CCDC9: variants seen among roughly 807,000 people sequenced by gnomAD.
CCDC9 encodes coiled-coil domain containing 9, also known as coiled-coil domain-containing protein 9.
Under a neutral mutation model 65.6 loss-of-function variants are expected in CCDC9, and 52 were observed. The ratio of observed to expected loss-of-function variants is 0.79; its 90% CI spans 0.63 to 1.00. The LOEUF is 1.00. CCDC9 is among the 50% of genes least tolerant of loss of function. CCDC9 has a pLI of 0.00. For synonymous variants in CCDC9, 332 were observed against 280.3 expected (o/e 1.18, Z -1.84); for missense variants, 834 against 757.2 (o/e 1.10, Z -1.19).
chr19:47,257,459 C>T (rs867397395), intron 1 of CCDC9: 1 of 150,238 alleles, frequency 6.7e-6, no homozygotes, highest in Non-Finnish European at 1.5e-5. Flanking sequence ...AAGGCGGGGC[C>T]AGAAAGTTTT....
chr19:47,273,556 G>A (rs531087084), downstream of CCDC9: 18 of 446,742 alleles, frequency 4.0e-5, no homozygotes, highest in African/African-American at 2.8e-4. Context: ...GCCAGGAGAG[G>A]GTTAAATCTA....
At chr19:47,258,426 C>T (rs1032005161) in intron 2 of CCDC9, 23 bp downstream of exon 2, 30 of 1,613,818 alleles carry the variant, frequency 1.9e-5, no homozygotes, top group Non-Finnish European at 2.5e-5. Context: ...AATGGGGTCT[C>T]TAGAATCTGA....
At position 47,270,658 on chromosome 19, in the gene CCDC9, C is replaced by T; in HGVS notation, c.1055C>T (p.Pro352Leu). The change falls in exon 10 of 12, where the codon CCC becomes CTC. Residue 352 changes from proline (P) to leucine (L), a missense_variant. Pro to Leu is a moderately conservative substitution (Grantham distance 98, BLOSUM62 -3). Coordinates refer to ENST00000221922, the MANE Select transcript of CCDC9 (RefSeq NM_015603.3). ...SSRRRRKSSR[P>L]QAKAAPRAYS... ...CGCAGAAGGAGAAAGAGCAGTCGGCCCCAGGCCAAGGCAGCGCCCAGGGCC... is the reference window on the plus strand; with the variant it reads ...CGCAGAAGGAGAAAGAGCAGTCGGCTCCAGGCCAAGGCAGCGCCCAGGGCC... 6.2e-7 allele frequency: 1 copy of T among 1,612,212 alleles called. No homozygotes were observed. The highest frequency in any genetic ancestry group is 8.5e-7 in the Non-Finnish European group (1 of 1,179,952).
downstream of CCDC9, among the ~76,000 whole-genome samples, chr19:47,272,653 C>T (rs928874158): frequency 6.6e-6 from 1 of 152,130 alleles, no homozygotes; most frequent in Admixed American, 6.6e-5. Context: ...TGTACTAGGG[C>T]AGGAGCTATA....
downstream of CCDC9, chr19:47,273,950 C>T (rs1258781886): frequency 1.0e-5 from 10 of 983,082 alleles, no homozygotes; most frequent in Admixed American, 4.3e-4. Context: ...TCCGTCTTCC[C>T]TCCCCCCTCC....
chr19:47,272,510 C>G (rs1357454666), downstream of CCDC9, among the ~76,000 whole-genome samples: 2 of 151,144 alleles, frequency 1.3e-5, no homozygotes, highest in African/African-American at 4.9e-5. Context: ...TGCCTGTAAT[C>G]CCAGCTAATT....
chr19:47,268,977 T>G (rs1568640558), intron 8 of CCDC9, among the ~76,000 whole-genome samples: 2 of 151,820 alleles, frequency 1.3e-5, no homozygotes, highest in Non-Finnish European at 2.9e-5. Context: ...TGGCTCATGC[T>G]TGTAATCCCC....
chr19:47,256,853 T>C (rs2059013029), intron 1 of CCDC9, among the ~76,000 whole-genome samples: 1 of 150,946 alleles, frequency 6.6e-6, no homozygotes, highest in African/African-American at 2.4e-5. Context: ...AAGTTGTGGC[T>C]GGACTGTGGG....
downstream of CCDC9, chr19:47,275,317 C>T: frequency 6.5e-7 from 1 of 1,546,296 alleles, no homozygotes; most frequent in Non-Finnish European, 8.7e-7. Context: ...AGAGAGACGC[C>T]AGAGGCCGCG....
At chr19:47,263,848 G>A (rs1192867930) in intron 5 of CCDC9, among the ~76,000 whole-genome samples, 1 of 151,648 alleles carries the variant, frequency 6.6e-6, no homozygotes, top group Non-Finnish European at 1.5e-5. Flanking sequence ...ACAGGCGTGA[G>A]CCACTGTGCC....
downstream of CCDC9, chr19:47,273,695 C>T (rs985766245): frequency 2.6e-6 from 1 of 381,952 alleles, no homozygotes; most frequent in Non-Finnish European, 4.6e-6. Context: ...CCATGGAGGC[C>T]CTGGGCGGCT....
At position 47,271,510 on chromosome 19, in the gene CCDC9, C is replaced by T. The variant is rs1267248648; in HGVS notation, c.1428C>T (p.Pro476=). 1 of 1,613,014 alleles carries T rather than the reference C, an allele frequency of 6.2e-7. No individual in the cohort carries two copies. The highest frequency in any genetic ancestry group is 1.3e-5 in the African/African-American group (1 of 74,978). ...GAGTCCCCTTCAGTCCGGAGGAGCC[C>T]CTGCTGGAGCCCCAGGCCCCTGGCA... ...AHGVPFSPEE[P]LLEPQAPGTP... Residue 476 remains proline (P), a synonymous_variant, in exon 12 of 12, where the codon CCC becomes CCT. Coordinates refer to ENST00000221922, the MANE Select transcript of CCDC9 (RefSeq NM_015603.3).
At chr19:47,258,142 G>T in intron 1 of CCDC9, 188 bp from the exon 2 acceptor site, 1 of 571,738 alleles carries the variant, frequency 1.7e-6, no homozygotes, top group Non-Finnish European at 3.1e-6. Context: ...CAAAGATCAT[G>T]AAAGGGCTGA....
Position 47,260,350 on chromosome 19 carries a change from A to G in CCDC9, c.138A>G (p.Glu46=). The G allele has an allele frequency of 6.3e-7, 1 of 1,599,670 alleles. No homozygotes were observed. Among genetic ancestry groups the G allele is most frequent in the South Asian group, 1.1e-5 (1 of 88,868 alleles). The change falls in exon 4 of 12, where the codon GAA becomes GAG. Residue 46 remains glutamate, a synonymous_variant. Coordinates refer to ENST00000221922, the MANE Select transcript of CCDC9 (RefSeq NM_015603.3). The stretch of plus-strand genomic sequence containing the variant: ...TTGAGGAAGACCGTAAGAAAGCTGA[A>G]CTTGAGGGAGTCGCAGTCACAGCTC... The part of the protein sequence containing the change: ...QEIEEDRKKA[E]LEGVAVTAPR...
At chr19:47,260,523 C>T in intron 4 of CCDC9, 65 bp from the exon 5 acceptor site, 1 of 1,581,548 alleles carries the variant, frequency 6.3e-7, no homozygotes, top group Non-Finnish European at 8.6e-7. Flanking sequence ...CAGTGGGTGG[C>T]CTCCATCCTG....
rs1484220408 is a variant in CCDC9, at chr19:47,264,699, G to A, written c.546+13G>A. 2 of 1,603,132 alleles carry A rather than the reference G, an allele frequency of 1.2e-6. No homozygotes were observed. The highest frequency in any genetic ancestry group is 1.7e-5 in the Admixed American group (1 of 58,166). Reference sequence around the variant, plus strand: ...GCGCAACCAGCGGGTCAGTGGTGCGGGTGTCCCCGAGGCAGGGCCGAGCTG... The same window carrying A: ...GCGCAACCAGCGGGTCAGTGGTGCGAGTGTCCCCGAGGCAGGGCCGAGCTG... On this transcript the variant is annotated intron_variant, in intron 6 of 11. Coordinates refer to ENST00000221922, the MANE Select transcript of CCDC9 (RefSeq NM_015603.3).
Position 47,261,095 on chromosome 19 carries a change from C to T in CCDC9, c.462+256C>T, listed in dbSNP as rs191719657. On this transcript the variant is annotated intron_variant, in intron 5 of 11. Transcript: ENST00000221922. ...TTCCTTGTCTCTTTCTCTCCTACTC[C>T]TGCTCCCCGTCTTCTTGTTCCTCCT... Among the ~76,000 whole-genome samples, 9 of 152,150 alleles carry T rather than the reference C, an allele frequency of 5.9e-5. No homozygotes were observed. The East Asian group carries it at 1.5e-3, about 26-fold the overall frequency.
chr19:47,275,591 C>T (rs1199050392), downstream of CCDC9: 14 of 551,504 alleles, frequency 2.5e-5, no homozygotes, highest in Non-Finnish European at 3.9e-5. Flanking sequence ...GCTCTGTCTC[C>T]TGCCCCTCCT....
At chr19:47,260,450 C>A (rs1789480007) in intron 4 of CCDC9, 28 bp downstream of exon 4, 1 of 1,608,998 alleles carries the variant, frequency 6.2e-7, no homozygotes, top group Non-Finnish European at 8.5e-7. Context: ...GTGTGGGACC[C>A]TGAGGATGGG....
Sources: allele counts gnomAD v4.1 joint callset (sites outside exome capture counted in the v4.1 genomes callset), GRCh38; gene constraint gnomAD v4.1.1; transcripts MANE v1.5; gene names NCBI Gene and HGNC (gene_info 2026-07-23, HGNC 2026-07-21).